The following GLDC variants were observed in gnomAD, a reference collection of about 807,000 sequenced individuals.
GLDC encodes glycine decarboxylase.
In GLDC, 104 loss-of-function variants were observed where a neutral mutation model predicts 121.3. The ratio of observed to expected loss-of-function variants is 0.86; its 90% CI spans 0.73 to 1.01. GLDC has a LOEUF of 1.01. Among genes scored for constraint, GLDC ranks in the 50% least tolerant of loss-of-function variants. GLDC has a pLI of 0.00. For missense variants in GLDC, 1,429 were observed against 1,306.6 expected, an observed-to-expected ratio of 1.09 and a Z score of -1.44; for synonymous variants, 546 against 480.6, an observed-to-expected ratio of 1.14 and a Z score of -1.78.
At chr9:6,583,434 G>T (rs531922085) in intron 15 of GLDC, among the ~76,000 whole-genome samples, 1 of 152,276 alleles carries the variant, frequency 6.6e-6, no homozygotes, top group East Asian at 1.9e-4. Context: ...CAGGACTTTG[G>T]GAGGCCAAGG....
intron 15 of GLDC, among the ~76,000 whole-genome samples, chr9:6,586,667 C>T (rs924371519): frequency 2.0e-5 from 3 of 152,260 alleles, no homozygotes; most frequent in African/African-American, 7.2e-5. Flanking sequence ...CCGCAATGAA[C>T]GACATCTACC....
At chr9:6,570,425 A>G (rs1406536150) in intron 15 of GLDC, among the ~76,000 whole-genome samples, 2 of 152,340 alleles carry the variant, frequency 1.3e-5, no homozygotes, top group Admixed American at 6.5e-5. Flanking sequence ...TATTCTGAAA[A>G]TCATTTTATA....
At chr9:6,555,222 G>A (rs537759037) in intron 18 of GLDC, among the ~76,000 whole-genome samples, 210 of 152,294 alleles carry the variant, frequency 1.4e-3, no homozygotes, top group African/African-American at 4.6e-3. Context: ...GTTGGGCACA[G>A]TGATGGAAGG....
chr9:6,590,673 T>G (rs1260121147), intron 11 of GLDC, among the ~76,000 whole-genome samples: 1 of 152,210 alleles, frequency 6.6e-6, no homozygotes, highest in Admixed American at 6.5e-5. Context: ...CTATTTTATT[T>G]ATAAATTATT....
chr9:6,582,981 T>C (rs1301615897), intron 15 of GLDC, among the ~76,000 whole-genome samples: 1 of 152,166 alleles, frequency 6.6e-6, no homozygotes, highest in Non-Finnish European at 1.5e-5. Context: ...TTGCTAATCA[T>C]TGGGGAAATG....
At chr9:6,643,339 A>T (rs193210575) in intron 2 of GLDC, among the ~76,000 whole-genome samples, 1 of 151,562 alleles carries the variant, frequency 6.6e-6, no homozygotes, top group Non-Finnish European at 1.5e-5. Flanking sequence ...CCCTCAGCAT[A>T]GCCTGAGCAG....
intron 21 of GLDC, among the ~76,000 whole-genome samples, chr9:6,543,985 G>C (rs1242313107): frequency 6.6e-6 from 1 of 152,122 alleles, no homozygotes; most frequent in Non-Finnish European, 1.5e-5. Context: ...CTGAGGGTAA[G>C]AACAATATGG....
intron 7 of GLDC, among the ~76,000 whole-genome samples, chr9:6,602,513 C>A (rs920834072): frequency 6.6e-6 from 1 of 151,922 alleles, no homozygotes; most frequent in Non-Finnish European, 1.5e-5. Flanking sequence ...ACACCACGCC[C>A]AGCTAATTTT....
intron 15 of GLDC, among the ~76,000 whole-genome samples, chr9:6,585,834 A>ATGTG (rs1315505539): frequency 5.0e-5 from 6 of 119,326 alleles, no homozygotes. Context: ...TCATTCATCT[A>ATGTG]TGTATGTATG....
chr9:6,590,730 T>C (rs1386287450), intron 11 of GLDC, among the ~76,000 whole-genome samples: 1 of 152,234 alleles, frequency 6.6e-6, no homozygotes, highest in African/African-American at 2.4e-5. Flanking sequence ...ATGGCCCTCT[T>C]GACCCCTTAG....
intron 2 of GLDC, among the ~76,000 whole-genome samples, chr9:6,623,588 A>C (rs907332408): frequency 4.0e-5 from 6 of 151,740 alleles, no homozygotes; most frequent in Admixed American, 6.6e-5. Context: ...TCCCCCTCTG[A>C]GAGAAACACC....
At chr9:6,565,651 C>T in intron 15 of GLDC, 1 of 622,818 alleles carries the variant, frequency 1.6e-6, no homozygotes, top group Non-Finnish European at 2.9e-6. Flanking sequence ...ACAGCTCAAC[C>T]ACTCCTACCC....
intron 2 of GLDC, among the ~76,000 whole-genome samples, chr9:6,626,063 G>T (rs76399172): frequency 6.6e-6 from 1 of 151,618 alleles, no homozygotes; most frequent in Non-Finnish European, 1.5e-5. Context: ...CTATGCTCTC[G>T]CCCCATAGAG....
intron 24 of GLDC, among the ~76,000 whole-genome samples, chr9:6,533,873 G>A (rs1367559573): frequency 7.1e-6 from 1 of 140,896 alleles, no homozygotes; most frequent in Non-Finnish European, 1.6e-5. Flanking sequence ...AAAAAAAAAA[G>A]TTAATTTCTC....
Position 6,543,892 on chromosome 9 carries a change from A to AGT in GLDC, c.2570-3747_2570-3746insAC, listed in dbSNP as rs879324326. The stretch of plus-strand genomic sequence containing the variant: ...ACGTGAAAGGGGCAAGGAGGACAGG[A>AGT]GGGGGGGGGATGAAGGAAAAGCAAG... On this transcript the variant is annotated intron_variant, in intron 21 of 24. Coordinates refer to ENST00000321612, the MANE Select transcript of GLDC (RefSeq NM_000170.3). 2.6e-4 allele frequency among the ~76,000 whole-genome samples: 39 copies of AGT among 148,618 alleles called. 1 individual carries two copies. The highest frequency in any genetic ancestry group is 1.2e-3 in the Admixed American group (18 of 14,830).
At chr9:6,559,687 C>T (rs1217356768) in intron 16 of GLDC, among the ~76,000 whole-genome samples, 12 of 151,570 alleles carry the variant, frequency 7.9e-5, no homozygotes, top group African/African-American at 2.2e-4. Context: ...TGGTGACGCA[C>T]GCCTGTAGTC....
At chr9:6,611,413 A>G (rs10117821) in intron 3 of GLDC, among the ~76,000 whole-genome samples, 8,110 of 152,218 alleles carry the variant, frequency 0.053, 381 homozygotes, top group African/African-American at 0.11. Flanking sequence ...ACAATTAGCC[A>G]GGCGTGGTGG....
intron 17 of GLDC, among the ~76,000 whole-genome samples, chr9:6,557,324 G>T (rs1315895597): frequency 6.6e-6 from 1 of 152,152 alleles, no homozygotes; most frequent in Non-Finnish European, 1.5e-5. Flanking sequence ...GGCCAGGCGT[G>T]GTAGCTCACG....
At chr9:6,635,081 C>T (rs112433755) in intron 2 of GLDC, among the ~76,000 whole-genome samples, 3,727 of 152,280 alleles carry the variant, frequency 0.024, 146 homozygotes, top group African/African-American at 0.085. Context: ...CACTTCCATG[C>T]CTCTGCTCAT....
Sources: gnomAD v4.1 joint callset for allele counts (sites outside exome capture counted in the v4.1 genomes callset) on GRCh38, gnomAD v4.1.1 for gene constraint, MANE v1.5 for transcripts, NCBI Gene and HGNC (gene_info 2026-07-23, HGNC 2026-07-21) for gene names.